The following MCTP1 variants were observed in gnomAD, a reference collection of about 807,000 sequenced individuals.
The protein encoded by MCTP1 is multiple C2 and transmembrane domain containing 1.
In MCTP1, 69 loss-of-function variants were observed where a neutral mutation model predicts 120.6. That is an observed-to-expected ratio of 0.57 (90% CI 0.47 to 0.70). The LOEUF (loss-of-function observed/expected upper bound fraction) is 0.70. Ranked by LOEUF, MCTP1 falls within the 30% of genes least tolerant of loss-of-function variation. The pLI is 0.00. For missense variants in MCTP1, 1,203 were observed against 1,248.8 expected (o/e 0.96, Z 0.55); for synonymous variants, 529 against 493.1 (o/e 1.07, Z -0.96).
At chr5:95,186,166 A>G (rs1749182439) in intron 1 of MCTP1, among the ~76,000 whole-genome samples, 1 of 151,426 alleles carries the variant, frequency 6.6e-6, no homozygotes, top group Non-Finnish European at 1.5e-5. Context: ...CAAGAGAAAG[A>G]AAAAAAAAGA....
intron 18 of MCTP1, among the ~76,000 whole-genome samples, chr5:94,790,746 G>A (rs1027719407): frequency 1.8e-4 from 27 of 152,168 alleles, no homozygotes; most frequent in Non-Finnish European, 1.3e-4. Flanking sequence ...AGTAGGGGGT[G>A]AGTGTCAGGG....
At chr5:95,017,180 C>T (rs1326519668) in intron 2 of MCTP1, among the ~76,000 whole-genome samples, 187 bp downstream of exon 2, 1 of 152,076 alleles carries the variant, frequency 6.6e-6, no homozygotes, top group Non-Finnish European at 1.5e-5. Context: ...AGTTTTGGAA[C>T]TTGCATCAAA....
chr5:94,952,450 A>G (rs1286347405), intron 3 of MCTP1, among the ~76,000 whole-genome samples: 1 of 152,180 alleles, frequency 6.6e-6, no homozygotes, highest in Non-Finnish European at 1.5e-5. Context: ...AAGTATGCCT[A>G]GTGATTGCTG....
intron 1 of MCTP1, among the ~76,000 whole-genome samples, chr5:95,217,532 G>T (rs1753170559): frequency 1.3e-5 from 2 of 152,244 alleles, no homozygotes; most frequent in South Asian, 4.1e-4. Flanking sequence ...TCTGCAAAGG[G>T]AATGTGAGGT....
chr5:94,934,663 G>A (rs1429352503), intron 5 of MCTP1, among the ~76,000 whole-genome samples: 2 of 150,332 alleles, frequency 1.3e-5, no homozygotes, highest in Non-Finnish European at 3.0e-5. Context: ...TCAACTTTTT[G>A]TAGGTAGATA....
At chr5:94,833,745 G>C (rs1240038167) in intron 17 of MCTP1, among the ~76,000 whole-genome samples, 2 of 152,068 alleles carry the variant, frequency 1.3e-5, no homozygotes, top group South Asian at 4.1e-4. Flanking sequence ...TTCATCAAGT[G>C]CCAAAATAAA....
At chr5:94,912,757 A>G (rs567345569) in intron 9 of MCTP1, 49 bp downstream of exon 9, 1 of 1,453,010 alleles carries the variant, frequency 6.9e-7, no homozygotes, top group African/African-American at 1.5e-5. Flanking sequence ...GCTATTAACC[A>G]ACCAATGCCT....
intron 11 of MCTP1, among the ~76,000 whole-genome samples, chr5:94,889,782 A>ACACACACACACC (rs1477667839): frequency 6.7e-6 from 1 of 148,850 alleles, no homozygotes; most frequent in Non-Finnish European, 1.5e-5. Context: ...ACACACACAC[A>ACACACACACACC]CCCCTCTATG....
chr5:94,803,032 T>C (rs1481150821), intron 17 of MCTP1, among the ~76,000 whole-genome samples: 1 of 152,120 alleles, frequency 6.6e-6, no homozygotes, highest in African/African-American at 2.4e-5. Context: ...CTCCCCCATC[T>C]CTCCTTTTAA....
intron 1 of MCTP1, among the ~76,000 whole-genome samples, chr5:95,274,557 G>T (rs1445243227): frequency 6.6e-6 from 1 of 151,926 alleles, no homozygotes; most frequent in Non-Finnish European, 1.5e-5. Context: ...CTCACTCAAG[G>T]TATCTCCATT....
intron 2 of MCTP1, among the ~76,000 whole-genome samples, chr5:94,990,889 T>TG (rs201206158): frequency 9.0e-6 from 1 of 111,324 alleles, no homozygotes; most frequent in African/African-American, 2.7e-5. Context: ...CTCCTGGTTA[T>TG]GACCAGCCCT....
Position 94,917,986 on chromosome 5 carries a change from G to A in MCTP1, c.1273-13C>T, listed in dbSNP as rs1810554277. On this transcript the variant is annotated splice_polypyrimidine_tract_variant and intron_variant, in intron 7 of 22. Coordinates refer to ENST00000515393, the MANE Select transcript of MCTP1 (RefSeq NM_024717.7). ...GCCTGCCGCACGTCTGGATGGAAAT[G>A]AATGATCAGAGCTGTACGGGGAAGC... 4 of 1,609,460 alleles carry A rather than the reference G, an allele frequency of 2.5e-6. No individual in the cohort carries two copies. The East Asian group carries it at 8.9e-5, about 36-fold the overall frequency.
chr5:95,038,140 C>T (rs1380743574), intron 1 of MCTP1: 2 of 984,086 alleles, frequency 2.0e-6, no homozygotes, highest in Non-Finnish European at 2.4e-6. Flanking sequence ...GGAGTAGGAT[C>T]TCATACACTC....
intron 1 of MCTP1, among the ~76,000 whole-genome samples, chr5:95,217,612 T>G (rs373223491): frequency 6.6e-6 from 1 of 152,168 alleles, no homozygotes; most frequent in Admixed American, 6.5e-5. Flanking sequence ...GTGAGAACAA[T>G]GGGGCATTAA....
chr5:95,259,599 C>A (rs181407932), intron 1 of MCTP1, among the ~76,000 whole-genome samples: 1 of 152,124 alleles, frequency 6.6e-6, no homozygotes, highest in Non-Finnish European at 1.5e-5. Flanking sequence ...TACAAAAAAA[C>A]CATTGCTGTA....
chr5:95,250,095 A>G (rs568137399), intron 1 of MCTP1, among the ~76,000 whole-genome samples: 85 of 152,238 alleles, frequency 5.6e-4, no homozygotes, highest in Admixed American at 1.8e-3. Context: ...AACATGGCAC[A>G]TGTTTACCTA....
At chr5:95,271,577 T>TTA (rs1759403187) in intron 1 of MCTP1, among the ~76,000 whole-genome samples, 2 of 152,158 alleles carry the variant, frequency 1.3e-5, no homozygotes, top group Non-Finnish European at 2.9e-5. Flanking sequence ...AAAACACTAA[T>TTA]GATTGATATT....
At chr5:95,175,509 G>A (rs1747859667) in intron 1 of MCTP1, among the ~76,000 whole-genome samples, 1 of 152,078 alleles carries the variant, frequency 6.6e-6, no homozygotes, top group African/African-American at 2.4e-5. Context: ...AAAACATTTG[G>A]GGCACATGGA....
At chr5:95,159,245 T>C (rs776055315) in intron 1 of MCTP1, among the ~76,000 whole-genome samples, 28 of 152,316 alleles carry the variant, frequency 1.8e-4, no homozygotes, top group Non-Finnish European at 3.4e-4. Context: ...ACATCAATGA[T>C]TGACTTCAAA....
Sources: allele counts gnomAD v4.1 joint callset (sites outside exome capture counted in the v4.1 genomes callset), GRCh38; gene constraint gnomAD v4.1.1; transcripts MANE v1.5; gene names NCBI Gene and HGNC (gene_info 2026-07-23, HGNC 2026-07-21).